Variants in CMYA5 observed in about 807,000 individuals in gnomAD.
The protein encoded by CMYA5 is cardiomyopathy-associated protein 5.
A neutral mutation model predicts 318.9 loss-of-function variants in CMYA5; 246 were observed. The ratio of observed to expected loss-of-function variants is 0.77; its 90% CI spans 0.70 to 0.86. The LOEUF (loss-of-function observed/expected upper bound fraction) is 0.86. CMYA5 is among the 40% of genes least tolerant of loss of function. The pLI is 0.00. For synonymous variants in CMYA5, 1,641 were observed against 1,729.5 expected, an observed-to-expected ratio of 0.95 and a Z score of 1.27; for missense variants, 4,589 against 4,678.2, an observed-to-expected ratio of 0.98 and a Z score of 0.56.
intron 1 of CMYA5, among the ~76,000 whole-genome samples, chr5:79,710,506 TA>T (rs1468507027): frequency 3.3e-5 from 5 of 152,154 alleles, no homozygotes; most frequent in Non-Finnish European, 5.9e-5. Context: ...TTTTTTAATT[TA>T]AAAAAAGCAC....
chr5:79,717,884 A>ATTT lies in CMYA5; in HGVS notation c.150-11011_150-11009dup, dbSNP rs1282948127. 2.0e-3 allele frequency among the ~76,000 whole-genome samples: 179 copies of ATTT among 91,736 alleles called. 27 individuals carry two copies. The highest frequency in any genetic ancestry group is 6.3e-3 in the Middle Eastern group (1 of 160). The allele number at this position is 91,736 out of a possible 152,430, so 60.2% of individuals were successfully genotyped here. ...ATAAAAGTTCCTTTTAACCTAAGCT[A>ATTT]TTTTTTTTTTTTTTTTTTTTTTGAG... On this transcript the variant is annotated intron_variant, in intron 1 of 12. Coordinates refer to ENST00000446378, the MANE Select transcript of CMYA5 (RefSeq NM_153610.5).
chr5:79,766,460 T>C (rs1828753219), intron 9 of CMYA5, among the ~76,000 whole-genome samples: 3 of 152,236 alleles, frequency 2.0e-5, no homozygotes, highest in South Asian at 4.1e-4. Flanking sequence ...ATAGCTCTTA[T>C]TATTTTGAGA....
At chr5:79,789,162 C>T in intron 10 of CMYA5, 58 bp downstream of exon 10, 1 of 1,594,814 alleles carries the variant, frequency 6.3e-7, no homozygotes, top group Non-Finnish European at 8.6e-7. Context: ...CCTTCCACCC[C>T]TCAGAGAAGA....
chr5:79,744,019 C>A, intron 3 of CMYA5, 97 bp downstream of exon 3: 1 of 583,780 alleles, frequency 1.7e-6, no homozygotes, highest in Admixed American at 3.6e-5. Flanking sequence ...GGATTTTATG[C>A]GCATGTGTTG....
chr5:79,736,021 G>A lies in CMYA5; in HGVS notation c.7256G>A (p.Gly2419Asp). Residue 2419 changes from glycine (G) to aspartate (D), a missense_variant, in exon 2 of 13, where the codon GGC (glycine) becomes GAC (aspartate). Transcript: ENST00000446378. ...ATTTTGCCAGTAGAAGAATCAAAAG[G>A]CAGTTTAATTGATTTCAGTGAAGAC... Reference protein sequence around the residue: ...SIILPVEESKGSLIDFSEDRL... With the variant: ...SIILPVEESKDSLIDFSEDRL... 1 of 1,613,012 alleles carries A rather than the reference G, an allele frequency of 6.2e-7. No individual in the cohort carries two copies. Among genetic ancestry groups the A allele is most frequent in the South Asian group, 1.1e-5 (1 of 90,738 alleles).
rs1827921771 is a variant in CMYA5, at chr5:79,732,020, TAAATC to T, written c.3257_3261del (p.Lys1086ArgfsTer6). On this transcript the variant is annotated frameshift_variant, in exon 2 of 13. Coordinates refer to ENST00000446378, the MANE Select transcript of CMYA5 (RefSeq NM_153610.5). LOFTEE classifies it high-confidence loss of function. ...ACTTAAGTCTGCCGCCTTCAACAGATAAATCAGAGAAAGCAGAAATTAAGCCAGAG... is the reference window on the plus strand; with the variant it reads ...ACTTAAGTCTGCCGCCTTCAACAGATAGAGAAAGCAGAAATTAAGCCAGAG... 6.2e-7 allele frequency: 1 copy of T among 1,613,824 alleles called. No homozygotes were observed. Among genetic ancestry groups the T allele is most frequent in the South Asian group, 1.1e-5 (1 of 91,088 alleles).
Position 79,731,054 on chromosome 5 carries a change from T to G in CMYA5, c.2289T>G (p.Ser763=). Residue 763 remains serine, a synonymous_variant, in exon 2 of 13, where the codon TCT becomes TCG. Coordinates refer to ENST00000446378, the MANE Select transcript of CMYA5 (RefSeq NM_153610.5). ...SLSPSTTEKT[S]ECQSPLPSTA... is the part of the protein sequence containing the mutation. ...CACCATCCACAACCGAAAAGACTTC[T>G]GAATGCCAGTCACCACTGCCTTCTA... The G allele has an allele frequency of 6.2e-7, 1 of 1,614,006 alleles. No individual in the cohort carries two copies. The highest frequency in any genetic ancestry group is 1.1e-5 in the South Asian group (1 of 91,078).
Position 79,745,282 on chromosome 5 carries a change from G to A in CMYA5, c.10795G>A (p.Val3599Ile). 6.2e-7 allele frequency: 1 copy of A among 1,612,676 alleles called. No individual in the cohort carries two copies. Among genetic ancestry groups the A allele is most frequent in the African/African-American group, 1.3e-5 (1 of 75,036 alleles). ...EEQNEEMMKK[V>I]LAQYDEKAQS... ...ACAGAATGAGGAAATGATGAAGAAGGTTTTAGCACAGTATGATGAGAAAGC... is the reference window on the plus strand; with the variant it reads ...ACAGAATGAGGAAATGATGAAGAAGATTTTAGCACAGTATGATGAGAAAGC... The change falls in exon 4 of 13, where the codon GTT becomes ATT. Residue 3599 changes from valine (V) to isoleucine (I), a missense_variant. Physicochemically the swap from Val to Ile is conservative, Grantham distance 29 (BLOSUM62 3). Transcript: ENST00000446378.
intron 9 of CMYA5, among the ~76,000 whole-genome samples, chr5:79,768,082 T>C (rs992035560): frequency 6.6e-6 from 1 of 152,206 alleles, no homozygotes; most frequent in Non-Finnish European, 1.5e-5. Flanking sequence ...TTGATCTTTG[T>C]TGGTTTAAAG....
At chr5:79,702,744 G>A (rs1827197302) in intron 1 of CMYA5, among the ~76,000 whole-genome samples, 1 of 152,134 alleles carries the variant, frequency 6.6e-6, no homozygotes, top group African/African-American at 2.4e-5. Flanking sequence ...CTTTAAAAGG[G>A]TGAATTTTAT....
chr5:79,796,992 A>G (rs1056974350), intron 12 of CMYA5, among the ~76,000 whole-genome samples: 1 of 152,240 alleles, frequency 6.6e-6, no homozygotes, highest in African/African-American at 2.4e-5. Context: ...GTAAGAATAC[A>G]TAGATTCATA....
chr5:79,703,228 G>A (rs541893115), intron 1 of CMYA5, among the ~76,000 whole-genome samples: 1 of 152,262 alleles, frequency 6.6e-6, no homozygotes, highest in African/African-American at 2.4e-5. Context: ...CTTTGTTTAA[G>A]CAATAGAATA....
At chr5:79,761,288 C>A (rs1293889083) in intron 7 of CMYA5, among the ~76,000 whole-genome samples, 4 of 152,086 alleles carry the variant, frequency 2.6e-5, no homozygotes, top group African/African-American at 9.7e-5. Flanking sequence ...TTGTGGAAAT[C>A]CCTAGTGGAA....
chr5:79,727,547 T>C (rs906832576), intron 1 of CMYA5, among the ~76,000 whole-genome samples: 1 of 152,234 alleles, frequency 6.6e-6, no homozygotes, highest in Admixed American at 6.5e-5. Flanking sequence ...TGTAGACAGA[T>C]GTAAGCCAGT....
intron 12 of CMYA5, 64 bp downstream of exon 12, chr5:79,793,674 C>T (rs770866602): frequency 2.1e-6 from 3 of 1,443,408 alleles, no homozygotes; most frequent in East Asian, 2.3e-5. Flanking sequence ...AGGCAGGGCT[C>T]TCTGAGGGAC....
chr5:79,796,200 A>G (rs573615133), intron 12 of CMYA5, among the ~76,000 whole-genome samples: 2 of 152,358 alleles, frequency 1.3e-5, no homozygotes, highest in East Asian at 3.9e-4. Context: ...AGAACCCTCC[A>G]GACCAGCGTT....
intron 1 of CMYA5, among the ~76,000 whole-genome samples, chr5:79,698,035 G>A (rs1443493573): frequency 6.6e-6 from 1 of 152,064 alleles, no homozygotes; most frequent in African/African-American, 2.4e-5. Context: ...ATGCTGTATG[G>A]GATCATGTAA....
chr5:79,726,908 G>GTTTTTTTTTTTT (rs1561203799), intron 1 of CMYA5, among the ~76,000 whole-genome samples: 1 of 104,870 alleles, frequency 9.5e-6, no homozygotes, highest in Non-Finnish European at 1.7e-5. Context: ...TTAGGCCAGT[G>GTTTTTTTTTTTT]ATTTTTTTTT....
At chr5:79,694,579 A>G (rs534378011) in intron 1 of CMYA5, among the ~76,000 whole-genome samples, 1 of 152,212 alleles carries the variant, frequency 6.6e-6, no homozygotes, top group Non-Finnish European at 1.5e-5. Flanking sequence ...AATCACCTTC[A>G]ATTGCAGCTT....
Sources: gnomAD v4.1 joint callset for allele counts (sites outside exome capture counted in the v4.1 genomes callset) on GRCh38, gnomAD v4.1.1 for gene constraint, MANE v1.5 for transcripts, NCBI Gene and HGNC (gene_info 2026-07-23, HGNC 2026-07-21) for gene names.